RBFOX1: variants seen among roughly 807,000 people sequenced by gnomAD.
The protein encoded by RBFOX1 is RNA binding protein fox-1 homolog 1.
A neutral mutation model predicts 57.7 loss-of-function variants in RBFOX1; 8 were observed. The ratio of observed to expected loss-of-function variants is 0.14; its 90% CI spans 0.08 to 0.25. The LOEUF (loss-of-function observed/expected upper bound fraction) is 0.25. Among genes scored for constraint, RBFOX1 ranks in the 10% least tolerant of loss-of-function variants. RBFOX1 has a pLI of 1.00. For synonymous variants in RBFOX1, 326 were observed against 222.4 expected (o/e 1.47, Z -4.15); for missense variants, 611 against 548.5 (o/e 1.11, Z -1.14).
chr16:6,909,847 C>T (rs531708387), intron 3 of RBFOX1, among the ~76,000 whole-genome samples: 1 of 152,254 alleles, frequency 6.6e-6, no homozygotes, highest in Admixed American at 6.5e-5. Flanking sequence ...GGGGTGTCTG[C>T]TCGGACCACC....
intron 1 of RBFOX1, among the ~76,000 whole-genome samples, chr16:5,276,651 C>T (rs756579430): frequency 3.9e-5 from 6 of 152,116 alleles, no homozygotes; most frequent in Non-Finnish European, 7.4e-5. Flanking sequence ...GGCATGGTGG[C>T]GGTTGCCTGT....
At chr16:5,286,819 C>T (rs1457839657) in intron 1 of RBFOX1, among the ~76,000 whole-genome samples, 2 of 152,172 alleles carry the variant, frequency 1.3e-5, no homozygotes, top group Non-Finnish European at 2.9e-5. Context: ...GTAGACAAGG[C>T]ATAAATGAAT....
intron 2 of RBFOX1, among the ~76,000 whole-genome samples, chr16:6,496,615 G>T (rs185482558): frequency 3.0e-4 from 45 of 152,212 alleles, no homozygotes; most frequent in Admixed American, 2.6e-3. Flanking sequence ...AAAGCAAGTT[G>T]CCCCAAGCGA....
chr16:7,671,633 CTA>C (rs765972733), intron 13 of RBFOX1: 1 of 1,584,624 alleles, frequency 6.3e-7, no homozygotes, highest in South Asian at 1.1e-5. Context: ...AAACTCATCA[CTA>C]TGATTGTGGG....
intron 3 of RBFOX1, among the ~76,000 whole-genome samples, chr16:6,971,466 G>C (rs942641780): frequency 2.6e-5 from 4 of 151,718 alleles, no homozygotes; most frequent in Non-Finnish European, 4.4e-5. Context: ...GCAGTGCAGA[G>C]CTTTTCAGAT....
chr16:7,641,343 T>G (rs1037142342), intron 11 of RBFOX1, among the ~76,000 whole-genome samples: 1 of 152,332 alleles, frequency 6.6e-6, no homozygotes, highest in Non-Finnish European at 1.5e-5. Context: ...ATAAACCCAG[T>G]AATGTAAACA....
At chr16:7,659,093 G>A (rs897833671) in intron 12 of RBFOX1, among the ~76,000 whole-genome samples, 3 of 152,064 alleles carry the variant, frequency 2.0e-5, no homozygotes, top group Admixed American at 1.3e-4. Flanking sequence ...TTGTTCTCTA[G>A]GTATCTCTGA....
chr16:6,654,562 T>A, intron 2 of RBFOX1, 41 bp from the exon 3 acceptor site: 1 of 1,459,270 alleles, frequency 6.9e-7, no homozygotes. Flanking sequence ...GTCTGACTCC[T>A]GTTCTTTCTC....
intron 3 of RBFOX1, among the ~76,000 whole-genome samples, chr16:5,634,836 C>G (rs2048630370): frequency 6.6e-6 from 1 of 152,206 alleles, no homozygotes. Context: ...CTTTGGCTTT[C>G]TAACCTCATA....
chr16:5,763,273 C>G (rs907380775), intron 3 of RBFOX1, among the ~76,000 whole-genome samples: 4 of 152,206 alleles, frequency 2.6e-5, no homozygotes, highest in African/African-American at 9.6e-5. Flanking sequence ...GGCCTGGACC[C>G]TCCTTAGGAA....
intron 3 of RBFOX1, among the ~76,000 whole-genome samples, chr16:5,802,836 G>A (rs1005577486): frequency 2.6e-5 from 4 of 152,004 alleles, no homozygotes; most frequent in Admixed American, 6.6e-5. Context: ...TATGAATCTC[G>A]CCCCCATCTG....
intron 3 of RBFOX1, among the ~76,000 whole-genome samples, chr16:7,028,103 A>ACAGTTTGAC (rs1423072329): frequency 1.3e-5 from 2 of 152,122 alleles, no homozygotes; most frequent in African/African-American, 4.8e-5. Flanking sequence ...GTTACTTGGC[A>ACAGTTTGAC]CAGTTTGACT....
intron 2 of RBFOX1, among the ~76,000 whole-genome samples, chr16:6,368,655 T>C (rs1485508318): frequency 2.6e-5 from 4 of 152,342 alleles, no homozygotes; most frequent in African/African-American, 9.6e-5. Flanking sequence ...TTTACCACTT[T>C]GGGCATTGTC....
At chr16:7,432,336 A>C (rs990639337) in intron 4 of RBFOX1, among the ~76,000 whole-genome samples, 2 of 152,316 alleles carry the variant, frequency 1.3e-5, no homozygotes, top group South Asian at 2.1e-4. Context: ...AGAGAAGGGT[A>C]ATCTGCTACC....
chr16:6,457,002 G>A (rs1006191236), intron 2 of RBFOX1, among the ~76,000 whole-genome samples: 13 of 152,324 alleles, frequency 8.5e-5, no homozygotes, highest in African/African-American at 3.1e-4. Context: ...GTAGGCAGCT[G>A]AGTATAAGAA....
chr16:5,992,808 C>A (rs1167333359), intron 4 of RBFOX1, among the ~76,000 whole-genome samples: 14 of 152,100 alleles, frequency 9.2e-5, no homozygotes, highest in Admixed American at 9.2e-4. Context: ...GTGGCAGGTG[C>A]CTGTAATCCC....
At chr16:5,446,242 A>T (rs559872137) in intron 1 of RBFOX1, among the ~76,000 whole-genome samples, 1 of 152,316 alleles carries the variant, frequency 6.6e-6, no homozygotes, top group South Asian at 2.1e-4. Context: ...AGGGACAATG[A>T]TCTGGTTGCT....
intron 4 of RBFOX1, among the ~76,000 whole-genome samples, chr16:7,350,750 T>G (rs754328802): frequency 1.3e-5 from 2 of 152,096 alleles, no homozygotes; most frequent in Non-Finnish European, 2.9e-5. Flanking sequence ...AGAGGGCCCG[T>G]TTCAGGGATG....
intron 1 of RBFOX1, among the ~76,000 whole-genome samples, chr16:6,121,262 A>T (rs2096547038): frequency 6.6e-6 from 1 of 152,170 alleles, no homozygotes. Flanking sequence ...CTCTGCTTTG[A>T]GACACAGACT....
Sources: allele counts gnomAD v4.1 joint callset (sites outside exome capture counted in the v4.1 genomes callset), GRCh38; gene constraint gnomAD v4.1.1; transcripts MANE v1.5; gene names NCBI Gene and HGNC (gene_info 2026-07-23, HGNC 2026-07-21).